Variants in BMPR1A observed in about 807,000 individuals in gnomAD.
The protein encoded by BMPR1A is bone morphogenetic protein receptor type-1A.
A neutral mutation model predicts 66.0 loss-of-function variants in BMPR1A; 7 were observed. The observed-to-expected ratio is 0.11, with a 90% CI of 0.06 to 0.20. The LOEUF is 0.20. Ranked by LOEUF, BMPR1A falls within the 10% of genes least tolerant of loss-of-function variation. The pLI is 1.00. For missense variants in BMPR1A, 408 were observed against 669.1 expected (o/e 0.61, Z 4.31); for synonymous variants, 200 against 229.7 (o/e 0.87, Z 1.17).
At chr10:86,912,990 T>TA (rs1843512946) in intron 8 of BMPR1A, among the ~76,000 whole-genome samples, 1 of 152,186 alleles carries the variant, frequency 6.6e-6, no homozygotes, top group Non-Finnish European at 1.5e-5. Flanking sequence ...TATATGGAAA[T>TA]ACTCAGTTTT....
At chr10:86,842,170 G>GA (rs1253133611) in intron 2 of BMPR1A, among the ~76,000 whole-genome samples, 1 of 152,124 alleles carries the variant, frequency 6.6e-6, no homozygotes, top group African/African-American at 2.4e-5. Flanking sequence ...CAACCTGTGG[G>GA]ATCTGATGCT....
intron 1 of BMPR1A, among the ~76,000 whole-genome samples, chr10:86,792,636 A>G (rs890296472): frequency 1.3e-5 from 2 of 152,146 alleles, no homozygotes; most frequent in African/African-American, 2.4e-5. Flanking sequence ...TCTCTATAAA[A>G]CAAACAAACA....
chr10:86,910,456 A>G (rs1156330243), intron 7 of BMPR1A, among the ~76,000 whole-genome samples: 1 of 152,206 alleles, frequency 6.6e-6, no homozygotes, highest in Non-Finnish European at 1.5e-5. Context: ...CTTACGTGGA[A>G]TGATACCCCA....
chr10:86,902,145 C>T (rs1421196600), intron 7 of BMPR1A, among the ~76,000 whole-genome samples: 5 of 152,278 alleles, frequency 3.3e-5, no homozygotes, highest in African/African-American at 1.2e-4. Flanking sequence ...CAGGCGTGAG[C>T]CACCGCACCT....
intron 2 of BMPR1A, among the ~76,000 whole-genome samples, chr10:86,872,491 C>T (rs943951674): frequency 3.9e-5 from 6 of 152,050 alleles, no homozygotes; most frequent in Non-Finnish European, 7.4e-5. Context: ...CCTGTTTCTT[C>T]ATCTGTAAAA....
intron 1 of BMPR1A, among the ~76,000 whole-genome samples, chr10:86,786,333 G>C (rs1841517618): frequency 2.0e-5 from 3 of 151,360 alleles, no homozygotes; most frequent in Admixed American, 2.0e-4. Flanking sequence ...TTCCCTAAAA[G>C]AAGTATCTGC....
chr10:86,846,857 C>G (rs1047753462), intron 2 of BMPR1A, among the ~76,000 whole-genome samples: 1 of 152,202 alleles, frequency 6.6e-6, no homozygotes, highest in African/African-American at 2.4e-5. Flanking sequence ...TAGTCCCACT[C>G]TCTTCCATTC....
downstream of BMPR1A, chr10:86,932,295 A>C (rs964521824): frequency 1.3e-5 from 2 of 152,244 alleles, no homozygotes; most frequent in African/African-American, 2.4e-5. Flanking sequence ...GAACCAGGAA[A>C]GTTCACATTG....
intron 2 of BMPR1A, chr10:86,855,125 G>C (rs920859451): frequency 1.9e-5 from 6 of 319,974 alleles, no homozygotes; most frequent in Non-Finnish European, 3.5e-5. Flanking sequence ...TAGAGACAGG[G>C]TTTCACATCA....
chr10:86,879,369 CTT>C (rs1021444279), intron 3 of BMPR1A, among the ~76,000 whole-genome samples: 9 of 152,220 alleles, frequency 5.9e-5, no homozygotes, highest in Non-Finnish European at 8.8e-5. Flanking sequence ...ATTATATGCT[CTT>C]GTGTTAAATC....
intron 11 of BMPR1A, among the ~76,000 whole-genome samples, chr10:86,922,522 C>T (rs1217407843): frequency 1.3e-5 from 2 of 152,212 alleles, no homozygotes; most frequent in African/African-American, 2.4e-5. Flanking sequence ...CCACAGGACT[C>T]GGCATGTGGT....
rs67035271 is a variant in BMPR1A at position 86,765,989 on chromosome 10, C to CTTTTTTTTTTTT, written c.-268+9073_-268+9084dup. Among the ~76,000 whole-genome samples the CTTTTTTTTTTTT allele has an allele frequency of 3.2e-3, 417 of 131,644 alleles. 10 individuals are homozygous for CTTTTTTTTTTTT. Among genetic ancestry groups the CTTTTTTTTTTTT allele is most frequent in the East Asian group, 0.019 (66 of 3,448 alleles). 86.4% of individuals were successfully genotyped at this position (131,644 alleles called of 152,430 possible). On this transcript the variant is annotated intron_variant, in intron 1 of 12. Coordinates refer to ENST00000372037, the MANE Select transcript of BMPR1A (RefSeq NM_004329.3). ...GTCAGTAAATTTCAATTTCCTCATT[C>CTTTTTTTTTTTT]TTTTTTTTTTTTTTGAGGGAAGGTC... is the stretch of plus-strand genomic sequence containing the variant.
chr10:86,761,877 A>G (rs940671968), intron 1 of BMPR1A, among the ~76,000 whole-genome samples: 1 of 152,230 alleles, frequency 6.6e-6, no homozygotes, highest in Non-Finnish European at 1.5e-5. Context: ...AGAAAATAGT[A>G]TTGGATCACA....
intron 1 of BMPR1A, among the ~76,000 whole-genome samples, chr10:86,803,000 G>T: frequency 1.1e-5 from 1 of 89,598 alleles, no homozygotes; most frequent in Non-Finnish European, 2.0e-5. Flanking sequence ...GCAAGACCCG[G>T]TCTCAAAAAA....
At chr10:86,886,028 GTTATAC>G (rs1187270315) in intron 3 of BMPR1A, among the ~76,000 whole-genome samples, 1 of 152,154 alleles carries the variant, frequency 6.6e-6, no homozygotes, top group African/African-American at 2.4e-5. Flanking sequence ...TTCCTGAGAT[GTTATAC>G]TTAAACATGT....
chr10:86,921,395 G>C, intron 10 of BMPR1A, 125 bp from the exon 11 acceptor site: 1 of 1,279,446 alleles, frequency 7.8e-7, no homozygotes, highest in African/African-American at 1.5e-5. Context: ...TCTGAAAAAT[G>C]CTAAATTCCA....
At chr10:86,826,441 C>CACACACACACACA (rs1564696505) in intron 1 of BMPR1A, among the ~76,000 whole-genome samples, 2 of 151,338 alleles carry the variant, frequency 1.3e-5, no homozygotes, top group Non-Finnish European at 1.5e-5. Context: ...CACACACACA[C>CACACACACACACA]CCGCTTTTGG....
At chr10:86,932,395 T>G (rs1476518192), downstream of BMPR1A, 2 of 152,258 alleles carry the variant, frequency 1.3e-5, no homozygotes, top group Admixed American at 1.3e-4. Flanking sequence ...GTTTTTTGTT[T>G]GTTTGAGATA....
At chr10:86,850,490 CT>C (rs1842552129) in intron 2 of BMPR1A, among the ~76,000 whole-genome samples, 1 of 152,110 alleles carries the variant, frequency 6.6e-6, no homozygotes, top group South Asian at 2.1e-4. Context: ...TCAGCACGGT[CT>C]GGGATTCTGC....
Sources: gnomAD v4.1 joint callset for allele counts (sites outside exome capture counted in the v4.1 genomes callset) on GRCh38, gnomAD v4.1.1 for gene constraint, MANE v1.5 for transcripts, NCBI Gene and HGNC (gene_info 2026-07-23, HGNC 2026-07-21) for gene names.